C12orf42: variants seen among roughly 807,000 people sequenced by gnomAD.
C12orf42 encodes the protein chromosome 12 open reading frame 42.
C12orf42 carries 25 observed loss-of-function variants against 21.6 expected under a neutral mutation model. The ratio of observed to expected loss-of-function variants is 1.16; its 90% CI spans 0.84 to 1.62. The LOEUF (loss-of-function observed/expected upper bound fraction) is 1.62, where lower values mean the gene tolerates loss of function less well. C12orf42 is among the 40% of genes most tolerant of loss of function. C12orf42 has a pLI of 0.00. For missense variants in C12orf42, 483 were observed against 459.3 expected (o/e 1.05, Z -0.47); for synonymous variants, 174 against 175.0 (o/e 0.99, Z 0.05).
chr12:103,497,591 T>G (rs1955597367), upstream of C12orf42, among the ~76,000 whole-genome samples: 1 of 152,188 alleles, frequency 6.6e-6, no homozygotes, highest in Admixed American at 6.5e-5. Flanking sequence ...CTGTTACCAT[T>G]CCTACAGCTG....
chr12:103,431,288 C>A (rs1950245747), intron 2 of C12orf42: 2 of 152,056 alleles, frequency 1.3e-5, no homozygotes, highest in African/African-American at 4.8e-5. Context: ...ATTAGGAGAC[C>A]ATAATCACAC....
chr12:103,212,444 A>C, the C12orf42 span, among the ~76,000 whole-genome samples: 1 of 152,246 alleles, frequency 6.6e-6, no homozygotes, highest in East Asian at 1.9e-4. Flanking sequence ...AAATAGTTTG[A>C]GTTTTGCTAA....
intron 2 of C12orf42, among the ~76,000 whole-genome samples, chr12:103,435,199 TAGAA>T (rs1392059880): frequency 5.9e-5 from 9 of 151,960 alleles, no homozygotes; most frequent in African/African-American, 2.2e-4. Flanking sequence ...TCCTGTCTGT[TAGAA>T]GGAAAACTAA....
intron 3 of C12orf42, among the ~76,000 whole-genome samples, chr12:103,377,904 A>T (rs1371334991): frequency 6.6e-6 from 1 of 152,186 alleles, no homozygotes; most frequent in Non-Finnish European, 1.5e-5. Context: ...CTTTCCAAAA[A>T]TTGTTGAAAT....
the C12orf42 span, among the ~76,000 whole-genome samples, chr12:103,226,175 T>C: frequency 3.9e-5 from 6 of 152,212 alleles, no homozygotes; most frequent in African/African-American, 9.6e-5. Context: ...TCTGGAGGAA[T>C]GCCTGGCTGC....
chr12:103,413,465 T>C (rs1328474249), intron 2 of C12orf42, among the ~76,000 whole-genome samples: 1 of 120,480 alleles, frequency 8.3e-6, no homozygotes, highest in Non-Finnish European at 1.7e-5. Context: ...AATTTTATTT[T>C]GGTATTTACT....
chr12:103,072,632 T>C, the C12orf42 span, among the ~76,000 whole-genome samples: 1 of 152,050 alleles, frequency 6.6e-6, no homozygotes, highest in African/African-American at 2.4e-5. Flanking sequence ...CCAGTAATGG[T>C]ATTGCTGGGT....
At chr12:103,517,163 G>C in the C12orf42 span, among the ~76,000 whole-genome samples, 2 of 152,356 alleles carry the variant, frequency 1.3e-5, no homozygotes, top group Non-Finnish European at 2.9e-5. Flanking sequence ...CACAGGGAAA[G>C]AGGTGTTTTT....
At chr12:103,431,665 TAAGAAATAATCACTGTATCA>T (rs1156853874) in intron 2 of C12orf42, among the ~76,000 whole-genome samples, 1 of 152,244 alleles carries the variant, frequency 6.6e-6, no homozygotes, top group African/African-American at 2.4e-5. Flanking sequence ...AATAAGTGCT[TAAGAAATAATCACTGTATCA>T]TTATTCTGTC....
At chr12:103,260,593 A>T (rs1022358115) in intron 10 of C12orf42, among the ~76,000 whole-genome samples, 4 of 152,224 alleles carry the variant, frequency 2.6e-5, no homozygotes, top group Non-Finnish European at 4.4e-5. Flanking sequence ...CAAATTAAAA[A>T]TTATTAACAA....
the C12orf42 span, among the ~76,000 whole-genome samples, chr12:103,068,190 C>T: frequency 2.6e-5 from 4 of 152,158 alleles, no homozygotes; most frequent in African/African-American, 9.7e-5. Context: ...ATGAGTATTT[C>T]CTCCTTCTTT....
Position 103,381,295 on chromosome 12 carries a change from T to C in C12orf42, c.148-12297A>G, listed in dbSNP as rs530466165. Among the ~76,000 whole-genome samples the C allele has an allele frequency of 3.9e-5, 6 of 152,322 alleles. No homozygotes were observed. In the South Asian group the frequency reaches 1.2e-3, roughly 32 times the overall value. On this transcript the variant is annotated intron_variant, in intron 3 of 5. Transcript: ENST00000548883. ...CAAAAGATCTTAGAGAAGTATGGAA[T>C]GTTCTATAGAGCTGAGCACATTGAC...
At chr12:103,391,011 G>A (rs927068845) in intron 3 of C12orf42, among the ~76,000 whole-genome samples, 1 of 152,114 alleles carries the variant, frequency 6.6e-6, no homozygotes, top group African/African-American at 2.4e-5. Flanking sequence ...AATCAAGTTG[G>A]CACAAAATGA....
the C12orf42 span, among the ~76,000 whole-genome samples, chr12:103,057,400 G>A: frequency 6.6e-6 from 1 of 151,976 alleles, no homozygotes; most frequent in Non-Finnish European, 1.5e-5. Context: ...CACTCCCTGT[G>A]TCCATGTACT....
At chr12:103,501,027 A>C in the C12orf42 span, among the ~76,000 whole-genome samples, 1 of 152,208 alleles carries the variant, frequency 6.6e-6, no homozygotes, top group Admixed American at 6.5e-5. Context: ...AGCTATTCCA[A>C]AGTTGGCTTT....
At chr12:103,534,814 T>C in the C12orf42 span, among the ~76,000 whole-genome samples, 18 of 152,260 alleles carry the variant, frequency 1.2e-4, no homozygotes, top group African/African-American at 4.3e-4. Flanking sequence ...AAGACAGAAA[T>C]AGGATTTCCC....
intron 4 of C12orf42, among the ~76,000 whole-genome samples, chr12:103,344,002 A>G (rs2042398168): frequency 6.6e-6 from 1 of 152,186 alleles, no homozygotes; most frequent in Non-Finnish European, 1.5e-5. Flanking sequence ...CATATCTACA[A>G]TGAAAGACAT....
At chr12:103,079,193 G>T in the C12orf42 span, among the ~76,000 whole-genome samples, 2 of 152,108 alleles carry the variant, frequency 1.3e-5, no homozygotes, top group Non-Finnish European at 2.9e-5. Context: ...AGCCAATGGG[G>T]TTTGAGTATT....
intron 2 of C12orf42, among the ~76,000 whole-genome samples, chr12:103,429,892 G>A (rs1292998410): frequency 6.6e-6 from 1 of 152,112 alleles, no homozygotes; most frequent in African/African-American, 2.4e-5. Context: ...TTTAATAAAT[G>A]GTGTTGGGAA....
Sources: allele counts gnomAD v4.1 joint callset (sites outside exome capture counted in the v4.1 genomes callset), GRCh38; gene constraint gnomAD v4.1.1; transcripts MANE v1.5; gene names NCBI Gene and HGNC (gene_info 2026-07-23, HGNC 2026-07-21).